GNAO1: variants seen among roughly 807,000 people sequenced by gnomAD.
GNAO1 encodes the protein G protein subunit alpha o1, also known as guanine nucleotide-binding protein G(o) subunit alpha.
For missense variants in GNAO1, 166 were observed against 478.7 expected, an observed-to-expected ratio of 0.35 and a Z score of 6.10; for synonymous variants, 164 against 180.7, an observed-to-expected ratio of 0.91 and a Z score of 0.74.
At position 56,337,016 on chromosome 16, in the gene GNAO1, G is replaced by A. The variant is rs76948070; in HGVS notation, c.723+156G>A. ...GTTTCCATCATGGACAGGCCGTGCC[G>A]GCACTCCACCAATTCTGTATTGCCA... On this transcript the variant is annotated intron_variant, in intron 6 of 8. Coordinates refer to ENST00000262493, the MANE Select transcript of GNAO1 (RefSeq NM_020988.3). Among the ~76,000 whole-genome samples the A allele has an allele frequency of 3.7e-3, 571 of 152,330 alleles. 3 individuals carry two copies. The highest frequency in any genetic ancestry group is 0.013 in the African/African-American group (549 of 41,556).
chr16:56,256,044 C>T (rs982349602), intron 2 of GNAO1, among the ~76,000 whole-genome samples: 3 of 152,150 alleles, frequency 2.0e-5, no homozygotes, highest in Non-Finnish European at 4.4e-5. Context: ...TGGGCTTGTG[C>T]ACTGTTCGTT....
chr16:56,224,587 G>C (rs541124205), intron 2 of GNAO1, among the ~76,000 whole-genome samples: 2 of 152,238 alleles, frequency 1.3e-5, no homozygotes, highest in African/African-American at 4.8e-5. Flanking sequence ...AGCAATTCTT[G>C]TGCCTCTGTC....
At chr16:56,254,416 T>C (rs2036828083) in intron 2 of GNAO1, among the ~76,000 whole-genome samples, 1 of 152,204 alleles carries the variant, frequency 6.6e-6, no homozygotes, top group Non-Finnish European at 1.5e-5. Flanking sequence ...CCTTTTATCA[T>C]CACAAACATC....
At chr16:56,251,935 C>G (rs920114467) in intron 2 of GNAO1, among the ~76,000 whole-genome samples, 1 of 152,096 alleles carries the variant, frequency 6.6e-6, no homozygotes, top group Non-Finnish European at 1.5e-5. Context: ...TTTCTGGGGC[C>G]CAGACAGAAC....
At chr16:56,346,285 C>CGTGGAT (rs1315299535) in intron 6 of GNAO1, 4 of 985,374 alleles carry the variant, frequency 4.1e-6, no homozygotes, top group Non-Finnish European at 4.8e-6. Flanking sequence ...TTGGCTCCGT[C>CGTGGAT]GTGGATGTGG....
chr16:56,326,202 G>T lies in GNAO1; in HGVS notation c.304-2429G>T, dbSNP rs114414058. 6.6e-6 allele frequency among the ~76,000 whole-genome samples: 1 copy of T among 152,214 alleles called. No homozygotes were observed. The highest frequency in any genetic ancestry group is 2.4e-5 in the African/African-American group (1 of 41,452). On this transcript the variant is annotated intron_variant, in intron 3 of 8. Transcript: ENST00000262493. The surrounding 1 kb of genome is among the most constrained non-coding windows in gnomAD (Gnocchi z 4.8). The stretch of plus-strand genomic sequence containing the variant: ...ACTCTGCTGGTGCACACCCTGAGGC[G>T]TGGTGCCCCAGGCGGGCAGTAGTCA...
chr16:56,300,008 C>CGTGTGTGT (rs71381116), intron 3 of GNAO1, among the ~76,000 whole-genome samples: 1,722 of 129,692 alleles, frequency 0.013, 29 homozygotes, highest in South Asian at 0.045. Flanking sequence ...GATTGGGGTT[C>CGTGTGTGT]GTGTGTGTGT....
chr16:56,286,690 C>T (rs1220631984), intron 3 of GNAO1, among the ~76,000 whole-genome samples: 6 of 139,484 alleles, frequency 4.3e-5, no homozygotes, highest in Non-Finnish European at 6.2e-5. Context: ...CTGTCTCTGT[C>T]GCCTCTGTGT....
chr16:56,328,226 C>A (rs2037654958), intron 3 of GNAO1, among the ~76,000 whole-genome samples: 1 of 152,180 alleles, frequency 6.6e-6, no homozygotes, highest in Non-Finnish European at 1.5e-5. Flanking sequence ...CTCCCCCGAA[C>A]AAAATAACCG....
chr16:56,228,753 G>A (rs992554868), intron 2 of GNAO1, among the ~76,000 whole-genome samples: 10 of 152,178 alleles, frequency 6.6e-5, no homozygotes, highest in African/African-American at 2.4e-4. Context: ...TGGCCACACT[G>A]CCCCACTTCT....
intron 2 of GNAO1, among the ~76,000 whole-genome samples, chr16:56,199,696 T>C (rs1230578084): frequency 6.6e-6 from 1 of 152,234 alleles, no homozygotes; most frequent in Non-Finnish European, 1.5e-5. Flanking sequence ...CTCAGGGCTC[T>C]TTCGGGTTTC....
intron 2 of GNAO1, among the ~76,000 whole-genome samples, chr16:56,208,449 G>GCA (rs1491562162): frequency 8.7e-4 from 40 of 46,012 alleles, no homozygotes; most frequent in African/African-American, 2.9e-3. Context: ...GTGTGTGTGT[G>GCA]CGCGCGCGCG....
At chr16:56,200,043 C>T (rs1342906598) in intron 2 of GNAO1, among the ~76,000 whole-genome samples, 1 of 152,130 alleles carries the variant, frequency 6.6e-6, no homozygotes, top group Non-Finnish European at 1.5e-5. Context: ...GGATTCTCTG[C>T]CTGTGTCTTA....
chr16:56,350,691 G>T (rs1203932487), intron 6 of GNAO1, among the ~76,000 whole-genome samples: 1 of 152,150 alleles, frequency 6.6e-6, no homozygotes, highest in Non-Finnish European at 1.5e-5. Context: ...AGGTGGCCCT[G>T]CCAGGAGCCT....
At chr16:56,356,000 A>G (rs574996280) in intron 8 of GNAO1, 103 bp from the exon 9 acceptor site, 18 of 152,364 alleles carry the variant, frequency 1.2e-4, no homozygotes, top group Admixed American at 6.5e-4. Context: ...ATCTCGCCCA[A>G]CCCCAGCAGT....
At chr16:56,300,776 T>C (rs961354877) in intron 3 of GNAO1, 1 of 152,254 alleles carries the variant, frequency 6.6e-6, no homozygotes, top group Admixed American at 6.5e-5. Flanking sequence ...CTGCTCCCAC[T>C]TGGCTCTGGT....
intron 2 of GNAO1, among the ~76,000 whole-genome samples, chr16:56,207,361 C>G (rs1453152570): frequency 6.6e-6 from 1 of 152,204 alleles, no homozygotes; most frequent in African/African-American, 2.4e-5. Flanking sequence ...GATAACACAG[C>G]TAAAAGCAGG....
intron 5 of GNAO1, among the ~76,000 whole-genome samples, chr16:56,335,472 G>A (rs990117416): frequency 4.6e-5 from 7 of 152,192 alleles, no homozygotes; most frequent in Admixed American, 2.0e-4. Flanking sequence ...CGTGCACTGA[G>A]GCCTGCTCCG....
In GNAO1 at chr16:56,351,145, G is replaced by T. The variant is rs2037917557; in HGVS notation, c.724-239G>T. Among the ~76,000 whole-genome samples, 1 of 152,206 alleles carries T rather than the reference G, an allele frequency of 6.6e-6. No homozygotes were observed. The highest frequency in any genetic ancestry group is 1.5e-5 in the Non-Finnish European group (1 of 68,034). On this transcript the variant is annotated intron_variant, in intron 6 of 8. Coordinates refer to ENST00000262493, the MANE Select transcript of GNAO1 (RefSeq NM_020988.3). The surrounding 1 kb of genome is among the most constrained non-coding windows in gnomAD (Gnocchi z 6.1). ...ACCCTGTCCTCAGCCTCCCCAGAGA[G>T]CCATGGCTGGTGTCCAGTCCAGTCT... is the stretch of plus-strand genomic sequence containing the variant.
Sources: gnomAD v4.1 joint callset for allele counts (sites outside exome capture counted in the v4.1 genomes callset) on GRCh38, gnomAD v4.1.1 for gene constraint, Gnocchi (gnomAD v3.1) non-coding constraint, MANE v1.5 for transcripts, NCBI Gene and HGNC (gene_info 2026-07-23, HGNC 2026-07-21) for gene names.